RPH3A: variants seen among roughly 807,000 people sequenced by gnomAD.
RPH3A encodes rabphilin-3A.
Under a neutral mutation model 102.2 loss-of-function variants are expected in RPH3A, and 48 were observed. The observed-to-expected ratio is 0.47, with a 90% CI of 0.37 to 0.60. The LOEUF is 0.60. Ranked by LOEUF, RPH3A falls within the 20% of genes least tolerant of loss-of-function variation. The pLI, the probability that RPH3A is intolerant of heterozygous loss-of-function variation, is 0.00. For missense variants in RPH3A, 781 were observed against 910.1 expected (o/e 0.86, Z 1.83); for synonymous variants, 310 against 324.3 (o/e 0.96, Z 0.47).
chr12:112,661,275 G>C (rs1241220070), intron 1 of RPH3A, among the ~76,000 whole-genome samples: 1 of 152,140 alleles, frequency 6.6e-6, no homozygotes, highest in African/African-American at 2.4e-5. Context: ...CAAAATAGAA[G>C]TGTGGGATTT....
chr12:112,713,048 TCTCC>T (rs1565857449), intron 1 of RPH3A, among the ~76,000 whole-genome samples: 17 of 72,360 alleles, frequency 2.3e-4, no homozygotes, highest in African/African-American at 1.0e-3. Context: ...TTCTTCTTCT[TCTCC>T]TTCTTCTTCT....
chr12:112,782,232 A>C (rs2041014901), intron 1 of RPH3A, among the ~76,000 whole-genome samples: 1 of 152,230 alleles, frequency 6.6e-6, no homozygotes, highest in African/African-American at 2.4e-5. Flanking sequence ...ATTACCTGCT[A>C]ATGCATGAGG....
intron 1 of RPH3A, among the ~76,000 whole-genome samples, chr12:112,781,623 G>A (rs75053127): frequency 1.3e-5 from 2 of 152,208 alleles, no homozygotes; most frequent in African/African-American, 4.8e-5. Flanking sequence ...CGTTGGCCCA[G>A]AGTAAGAACC....
intron 2 of RPH3A, among the ~76,000 whole-genome samples, chr12:112,800,437 A>G (rs1001671094): frequency 6.6e-6 from 1 of 152,242 alleles, no homozygotes; most frequent in Admixed American, 6.5e-5. Flanking sequence ...CAGGACCTCC[A>G]GATCTGGTTA....
intron 4 of RPH3A, among the ~76,000 whole-genome samples, chr12:112,844,854 C>T (rs889947031): frequency 6.6e-6 from 1 of 152,228 alleles, no homozygotes; most frequent in Admixed American, 6.5e-5. Context: ...CACAAGGTCA[C>T]TCATGCAGCT....
chr12:112,871,820 T>C (rs1383017666), intron 10 of RPH3A, among the ~76,000 whole-genome samples: 3 of 149,514 alleles, frequency 2.0e-5, no homozygotes, highest in Non-Finnish European at 4.4e-5. Context: ...TATATACATA[T>C]AGTGTATATA....
intron 1 of RPH3A, among the ~76,000 whole-genome samples, chr12:112,773,867 G>T (rs7969279): frequency 0.15 from 23,334 of 151,814 alleles, 1,903 homozygotes; most frequent in Admixed American, 0.23. Flanking sequence ...GATCACCTGA[G>T]CTCAGGAGTT....
intron 2 of RPH3A, among the ~76,000 whole-genome samples, chr12:112,814,264 G>A (rs2041632989): frequency 6.6e-6 from 1 of 151,978 alleles, no homozygotes; most frequent in Non-Finnish European, 1.5e-5. Context: ...ACAGGGTCAG[G>A]CCAAGTCAAA....
At chr12:112,881,222 C>CT (rs1220905102) in intron 14 of RPH3A, among the ~76,000 whole-genome samples, 1 of 152,168 alleles carries the variant, frequency 6.6e-6, no homozygotes. Context: ...TAATTCCTAC[C>CT]TACCCTAAGC....
intron 13 of RPH3A, 57 bp downstream of exon 13, chr12:112,876,923 A>G (rs1694725499): frequency 3.7e-6 from 5 of 1,356,918 alleles, no homozygotes; most frequent in Non-Finnish European, 5.0e-6. Context: ...AGCCAAGCCC[A>G]GGAAAACAGG....
At chr12:112,840,715 T>A (rs2042127083) in intron 4 of RPH3A, among the ~76,000 whole-genome samples, 1 of 152,174 alleles carries the variant, frequency 6.6e-6, no homozygotes. Context: ...AGTAAAGGCG[T>A]GTAGGTTCTA....
chr12:112,803,069 T>C (rs1414308946), intron 2 of RPH3A, among the ~76,000 whole-genome samples: 1 of 152,066 alleles, frequency 6.6e-6, no homozygotes, highest in East Asian at 1.9e-4. Context: ...CTTCCTCTGG[T>C]TGTCATGGCA....
At chr12:112,847,648 AACT>A (rs778789478) in intron 4 of RPH3A, 45 bp from the exon 5 acceptor site, 58 of 1,588,900 alleles carry the variant, frequency 3.7e-5, no homozygotes, top group Middle Eastern at 2.1e-4. Flanking sequence ...CAGGAATTTG[AACT>A]ACTATTTTCT....
At chr12:112,884,296 C>A (rs933611369) in intron 16 of RPH3A, among the ~76,000 whole-genome samples, 1 of 152,136 alleles carries the variant, frequency 6.6e-6, no homozygotes, top group Admixed American at 6.6e-5. Flanking sequence ...AAATAAAGCA[C>A]CCCCGATGCA....
At chr12:112,806,635 T>TAA (rs1555211260) in intron 2 of RPH3A, among the ~76,000 whole-genome samples, 1 of 146,712 alleles carries the variant, frequency 6.8e-6, no homozygotes, top group African/African-American at 2.5e-5. Context: ...TCTCAAAAAT[T>TAA]AAAAAAAAAA....
At chr12:112,598,911 G>A (rs2039537570) in intron 1 of RPH3A, among the ~76,000 whole-genome samples, 1 of 152,160 alleles carries the variant, frequency 6.6e-6, no homozygotes, top group Non-Finnish European at 1.5e-5. Flanking sequence ...CTTGTAATTA[G>A]GATGACAGTC....
intron 1 of RPH3A, among the ~76,000 whole-genome samples, chr12:112,620,356 G>T (rs539627218): frequency 6.6e-6 from 1 of 152,236 alleles, no homozygotes; most frequent in South Asian, 2.1e-4. Context: ...GAAGAGGTGT[G>T]GATACTGAGC....
At chr12:112,895,955 T>A in intron 21 of RPH3A, 82 bp downstream of exon 21, 1 of 921,570 alleles carries the variant, frequency 1.1e-6, no homozygotes, top group East Asian at 2.5e-5. Context: ...TACAGAGAGT[T>A]GAGGTCATTG....
intron 5 of RPH3A, among the ~76,000 whole-genome samples, chr12:112,848,703 C>G (rs1055697171): frequency 6.6e-6 from 1 of 151,988 alleles, no homozygotes. Context: ...GGGAGAGAAG[C>G]AAGGCTTATA....
Sources: gnomAD v4.1 joint callset for allele counts (sites outside exome capture counted in the v4.1 genomes callset) on GRCh38, gnomAD v4.1.1 for gene constraint, MANE v1.5 for transcripts, NCBI Gene and HGNC (gene_info 2026-07-23, HGNC 2026-07-21) for gene names.